The following JARID2 variants were observed in gnomAD, a reference collection of about 807,000 sequenced individuals.
JARID2 encodes the protein jumonji and AT-rich interaction domain containing 2.
In JARID2, 21 loss-of-function variants were observed where a neutral mutation model predicts 125.6. The ratio of observed to expected loss-of-function variants is 0.17; its 90% confidence interval spans 0.12 to 0.24. The LOEUF is 0.24. Ranked by LOEUF, JARID2 falls within the 10% of genes least tolerant of loss-of-function variation. The pLI is 1.00. For synonymous variants in JARID2, 736 were observed against 661.6 expected (o/e 1.11, Z -1.73); for missense variants, 1,303 against 1,639.6 (o/e 0.79, Z 3.55).
chr6:15,402,615 C>T (rs752087446), intron 2 of JARID2, among the ~76,000 whole-genome samples: 7 of 152,168 alleles, frequency 4.6e-5, no homozygotes, highest in Admixed American at 6.5e-5. Context: ...AGTTCCCTTG[C>T]TCTGCAGTGA....
chr6:15,284,632 G>A (rs747102585), intron 1 of JARID2, among the ~76,000 whole-genome samples: 10 of 151,332 alleles, frequency 6.6e-5, no homozygotes, highest in Non-Finnish European at 1.5e-4. Context: ...GATTACAGGC[G>A]CCTGCCAACA....
In JARID2 at chr6:15,423,820, G is replaced by T. The variant is rs143486803; in HGVS notation, c.323+13455G>T. Among the ~76,000 whole-genome samples, 3 of 152,296 alleles carry T rather than the reference G, an allele frequency of 2.0e-5. No individual in the cohort carries two copies. In the East Asian group the frequency reaches 5.8e-4, roughly 29 times the overall value. On this transcript the variant is annotated intron_variant, in intron 3 of 17. Transcript: ENST00000341776. ...CGTGATAGGGAAGAGGTGTGAACAT[G>T]TGTCTGGTGACCAGTGTTTTGGGTT... is the stretch of plus-strand genomic sequence containing the variant.
chr6:15,428,941 A>C (rs7752012), intron 3 of JARID2, among the ~76,000 whole-genome samples: 39,082 of 89,408 alleles, frequency 0.44, 6,110 homozygotes, highest in South Asian at 0.53. Context: ...CCCCCCCCCC[A>C]AAAAAAAAAA....
intron 6 of JARID2, among the ~76,000 whole-genome samples, chr6:15,488,046 G>C (rs1046088248): frequency 8.5e-5 from 13 of 152,174 alleles, no homozygotes; most frequent in Admixed American, 6.5e-4. Context: ...GTGGCTGGGT[G>C]GCACCTCTTC....
chr6:15,251,001 C>G (rs1019632930), intron 1 of JARID2, among the ~76,000 whole-genome samples: 2 of 151,450 alleles, frequency 1.3e-5, no homozygotes, highest in Non-Finnish European at 2.9e-5. Context: ...GAAGGCTAAC[C>G]TAGAGAGCAT....
At chr6:15,420,075 G>C (rs1203702783) in intron 3 of JARID2, among the ~76,000 whole-genome samples, 2 of 152,074 alleles carry the variant, frequency 1.3e-5, no homozygotes, top group African/African-American at 4.8e-5. Context: ...AAATCTGCTG[G>C]TAAGACTATT....
At chr6:15,447,639 C>A (rs1003145209) in intron 3 of JARID2, among the ~76,000 whole-genome samples, 3 of 152,222 alleles carry the variant, frequency 2.0e-5, no homozygotes, top group East Asian at 1.9e-4. Flanking sequence ...CAGTTCTTTT[C>A]ATTTTTGCTG....
chr6:15,519,053 T>C (rs1396694004), intron 17 of JARID2, among the ~76,000 whole-genome samples: 3 of 152,296 alleles, frequency 2.0e-5, no homozygotes, highest in Non-Finnish European at 2.9e-5. Flanking sequence ...GAGCAGGGTG[T>C]TGGGCCGCCT....
In JARID2 at chr6:15,496,891, G is replaced by A. The variant is rs765990652; in HGVS notation, c.1666G>A (p.Glu556Lys). Residue 556 changes from glutamate to lysine, a missense_variant, in exon 7 of 18, where the codon GAG becomes AAG. Transcript: ENST00000341776. ...CAAGGCCGGGTGGGCGGCCATGGAC[G>A]AGATCCCCGTCCTCAGGCCCTCCGC... is the stretch of plus-strand genomic sequence containing the variant. Reference protein sequence around the residue: ...GGKAGWAAMDEIPVLRPSAKE... With the variant: ...GGKAGWAAMDKIPVLRPSAKE... 4.4e-6 allele frequency: 7 copies of A among 1,601,528 alleles called. No individual in the cohort carries two copies. Among genetic ancestry groups the A allele is most frequent in the East Asian group, 2.2e-5 (1 of 44,552 alleles).
intron 1 of JARID2, among the ~76,000 whole-genome samples, chr6:15,304,413 C>T (rs1196194428): frequency 6.8e-6 from 1 of 146,932 alleles, no homozygotes; most frequent in Admixed American, 7.3e-5. Context: ...GACTCTAAAG[C>T]CAGAGGATTC....
chr6:15,467,644 C>G (rs1262800253), intron 4 of JARID2, among the ~76,000 whole-genome samples: 2 of 151,792 alleles, frequency 1.3e-5, no homozygotes, highest in Admixed American at 1.3e-4. Context: ...AAATTTCAGA[C>G]CAACCTGGGC....
chr6:15,388,138 G>A (rs1764858548), intron 2 of JARID2, among the ~76,000 whole-genome samples: 1 of 152,136 alleles, frequency 6.6e-6, no homozygotes, highest in Non-Finnish European at 1.5e-5. Context: ...GTGTATTTAA[G>A]TAGCTTTAAT....
At chr6:15,484,914 T>G (rs758904725) in intron 5 of JARID2, among the ~76,000 whole-genome samples, 6 of 152,230 alleles carry the variant, frequency 3.9e-5, no homozygotes, top group Non-Finnish European at 7.3e-5. Flanking sequence ...TTTAGAAAAT[T>G]GGTGAACAGT....
intron 1 of JARID2, among the ~76,000 whole-genome samples, chr6:15,351,698 C>G (rs1459155383): frequency 6.6e-6 from 1 of 152,184 alleles, no homozygotes; most frequent in Non-Finnish European, 1.5e-5. Context: ...TGTATGGATT[C>G]AACTGGGAAG....
chr6:15,518,305 T>A (rs946718311), intron 17 of JARID2, among the ~76,000 whole-genome samples: 2 of 152,196 alleles, frequency 1.3e-5, no homozygotes, highest in Non-Finnish European at 2.9e-5. Flanking sequence ...CAGCAGCCTG[T>A]TTCTGTAGTC....
At chr6:15,383,584 C>T (rs1764672918) in intron 2 of JARID2, among the ~76,000 whole-genome samples, 1 of 152,094 alleles carries the variant, frequency 6.6e-6, no homozygotes, top group Non-Finnish European at 1.5e-5. Context: ...AGGTTTGTCT[C>T]CATGCCCTTC....
At chr6:15,427,992 T>C (rs1766804136) in intron 3 of JARID2, among the ~76,000 whole-genome samples, 1 of 152,178 alleles carries the variant, frequency 6.6e-6, no homozygotes, top group Non-Finnish European at 1.5e-5. Context: ...AATTGAATGT[T>C]TCTTCTTACT....
intron 1 of JARID2, among the ~76,000 whole-genome samples, chr6:15,289,986 A>C (rs545340898): frequency 6.6e-6 from 1 of 152,252 alleles, no homozygotes; most frequent in South Asian, 2.1e-4. Flanking sequence ...AATTTTTCTC[A>C]GACAAATTAG....
At chr6:15,272,855 T>C (rs1324782120) in intron 1 of JARID2, among the ~76,000 whole-genome samples, 1 of 152,236 alleles carries the variant, frequency 6.6e-6, no homozygotes, top group East Asian at 1.9e-4. Flanking sequence ...TATTTGTTGT[T>C]ATGATTTTGT....
Sources: allele counts gnomAD v4.1 joint callset (sites outside exome capture counted in the v4.1 genomes callset), GRCh38; gene constraint gnomAD v4.1.1; transcripts MANE v1.5; gene names NCBI Gene and HGNC (gene_info 2026-07-23, HGNC 2026-07-21).